TMEM266: variants seen among roughly 807,000 people sequenced by gnomAD.
The protein encoded by TMEM266 is Hv1 related protein 1.
In TMEM266, 33 loss-of-function variants were observed where a neutral mutation model predicts 50.5. The observed-to-expected ratio is 0.65, with a 90% CI of 0.50 to 0.87. The LOEUF (loss-of-function observed/expected upper bound fraction) is 0.87. Ranked by LOEUF, TMEM266 falls within the 40% of genes least tolerant of loss-of-function variation. The pLI, the probability that TMEM266 is intolerant of heterozygous loss-of-function variation, is 0.00. For missense variants in TMEM266, 655 were observed against 695.1 expected (o/e 0.94, Z 0.65); for synonymous variants, 310 against 292.3 (o/e 1.06, Z -0.62).
chr15:76,091,240 A>G (rs1357477389), intron 1 of TMEM266, among the ~76,000 whole-genome samples: 2 of 152,194 alleles, frequency 1.3e-5, no homozygotes, highest in South Asian at 2.1e-4. Context: ...ATTTTTCTAT[A>G]TAATTTTACT....
intron 1 of TMEM266, among the ~76,000 whole-genome samples, chr15:76,105,058 G>A (rs953703918): frequency 2.6e-5 from 4 of 151,958 alleles, no homozygotes; most frequent in East Asian, 3.9e-4. Context: ...CCAGCCTGAC[G>A]AACATGGTGA....
intron 1 of TMEM266, among the ~76,000 whole-genome samples, chr15:76,062,581 T>A (rs1157174010): frequency 6.6e-6 from 1 of 152,176 alleles, no homozygotes; most frequent in East Asian, 1.9e-4. Context: ...GCAAGAGGTG[T>A]TACTTGATTT....
At chr15:76,088,484 C>T (rs2036804094) in intron 1 of TMEM266, among the ~76,000 whole-genome samples, 2 of 152,046 alleles carry the variant, frequency 1.3e-5, no homozygotes, top group East Asian at 3.9e-4. Flanking sequence ...GAGACCTTGT[C>T]TCTATTGAAA....
intron 8 of TMEM266, among the ~76,000 whole-genome samples, chr15:76,188,779 G>A (rs1405514107): frequency 9.2e-5 from 14 of 152,200 alleles, no homozygotes; most frequent in Admixed American, 9.2e-4. Context: ...TGGGGACACA[G>A]CCAAACCATA....
intron 10 of TMEM266, among the ~76,000 whole-genome samples, chr15:76,202,839 A>G (rs577455628): frequency 5.3e-5 from 8 of 151,840 alleles, no homozygotes; most frequent in African/African-American, 1.2e-4. Context: ...GCAGCCCCCA[A>G]AACCTTGTAT....
At position 76,083,502 on chromosome 15, in the gene TMEM266, C is replaced by T. The variant is rs184939067; in HGVS notation, c.-97+23486C>T. Reference sequence around the variant, plus strand: ...CGAACAGTCCCATATTCCCTTCTACCGTAGGGAGGAAACATACTTCACCCA... The same window carrying T: ...CGAACAGTCCCATATTCCCTTCTACTGTAGGGAGGAAACATACTTCACCCA... On this transcript the variant is annotated intron_variant, in intron 1 of 10. Transcript: ENST00000388942. 3.2e-3 allele frequency among the ~76,000 whole-genome samples: 486 copies of T among 152,150 alleles called. 5 individuals carry two copies. The highest frequency in any genetic ancestry group is 0.011 in the African/African-American group (453 of 41,490).
In TMEM266 at chr15:76,160,103, G is replaced by A. The variant is rs780642775; in HGVS notation, c.391G>A (p.Ala131Thr). 17 of 1,614,116 alleles carry A rather than the reference G, an allele frequency of 1.1e-5. No individual in the cohort carries two copies. The Admixed American group carries it at 1.3e-4, about 13-fold the overall frequency. Residue 131 changes from alanine (A) to threonine (T), a missense_variant, in exon 5 of 11, where the codon GCA becomes ACA. Around this residue, in one of 3 missense-constraint regions of TMEM266, gnomAD observed 101 missense variants for 182.6 expected, o/e 0.55. Coordinates refer to ENST00000388942, the MANE Select transcript of TMEM266 (RefSeq NM_152335.3). This position sits in a 1 kb window ranked among gnomAD's most constrained non-coding sequence, Gnocchi z 5.7. ...TATCGTGTCCATTGCAGTTTCCAGC[G>A]CATTCCAGTTTGCTGGCGTGATTCA... is the stretch of plus-strand genomic sequence containing the variant.
chr15:76,103,465 C>A (rs938476519), intron 1 of TMEM266, among the ~76,000 whole-genome samples: 1 of 151,734 alleles, frequency 6.6e-6, no homozygotes. Context: ...ACACCACTCT[C>A]TCTAAGGTTT....
At chr15:76,125,320 A>C (rs1408457128) in intron 1 of TMEM266, among the ~76,000 whole-genome samples, 2 of 152,146 alleles carry the variant, frequency 1.3e-5, no homozygotes, top group African/African-American at 4.8e-5. Context: ...TCTGCACATC[A>C]AAGGAAACAA....
At chr15:76,140,944 G>A (rs1052582840) in intron 3 of TMEM266, among the ~76,000 whole-genome samples, 1 of 152,064 alleles carries the variant, frequency 6.6e-6, no homozygotes, top group African/African-American at 2.4e-5. Context: ...GGCTGAAGTG[G>A]GAGGATCACT....
In TMEM266 at chr15:76,197,686, T is replaced by A. The variant is rs1173801422; in HGVS notation, c.959-4516T>A. ...AAGCCATGGAAGAGCAAGTTGGAGTTTAGGAGCAGGAGCCCAAACCAGGAA... is the reference window on the plus strand; with the variant it reads ...AAGCCATGGAAGAGCAAGTTGGAGTATAGGAGCAGGAGCCCAAACCAGGAA... On this transcript the variant is annotated intron_variant, in intron 9 of 10. Transcript: ENST00000388942. 2.6e-5 allele frequency among the ~76,000 whole-genome samples: 4 copies of A among 152,190 alleles called. 1 individual carries two copies. The highest frequency in any genetic ancestry group is 2.6e-4 in the Admixed American group (4 of 15,282).
chr15:76,087,913 C>CT (rs1413793424), intron 1 of TMEM266, among the ~76,000 whole-genome samples: 4 of 152,188 alleles, frequency 2.6e-5, no homozygotes, highest in Non-Finnish European at 5.9e-5. Context: ...ACTGGAATGT[C>CT]TTTTCCTGAA....
At chr15:76,086,417 G>A (rs549615344) in intron 1 of TMEM266, among the ~76,000 whole-genome samples, 115 of 152,342 alleles carry the variant, frequency 7.5e-4, no homozygotes, top group African/African-American at 2.7e-3. Context: ...TGATGGAAAT[G>A]TTTTATATCT....
chr15:76,202,060 C>A, intron 9 of TMEM266, 142 bp from the exon 10 acceptor site: 1 of 666,990 alleles, frequency 1.5e-6, no homozygotes, highest in Non-Finnish European at 2.5e-6. Flanking sequence ...CCATGGAGAA[C>A]TAAGAGGCAG....
chr15:76,201,719 GCCCACAGGTGGATCGA>G (rs2038751469), intron 9 of TMEM266, among the ~76,000 whole-genome samples: 2 of 152,156 alleles, frequency 1.3e-5, no homozygotes, highest in Admixed American at 6.5e-5. Flanking sequence ...GAAGGCTGGA[GCCCACAGGTGGATCGA>G]GCCACGGGGG....
chr15:76,192,642 A>C (rs1457532146), intron 9 of TMEM266, among the ~76,000 whole-genome samples: 1 of 152,160 alleles, frequency 6.6e-6, no homozygotes, highest in African/African-American at 2.4e-5. Context: ...CCAGAGCTTG[A>C]GCCTTGCAGA....
At chr15:76,145,779 C>A (rs924468827) in intron 3 of TMEM266, among the ~76,000 whole-genome samples, 1 of 152,240 alleles carries the variant, frequency 6.6e-6, no homozygotes, top group Non-Finnish European at 1.5e-5. Flanking sequence ...TAGGCTGTTT[C>A]TTCAATGACT....
At position 76,203,949 on chromosome 15, in the gene TMEM266, C is replaced by A. The variant is rs767171611; in HGVS notation, c.1230C>A (p.Asp410Glu). ...GCCAGACGCTGGGCTCCTCCATGGA[C>A]TGCAGCACTGCCCGCGAGGAGCCGT... Residue 410 changes from aspartate (D) to glutamate (E), a missense_variant, in exon 11 of 11, where the codon GAC (aspartate) becomes GAA (glutamate). Physicochemically the swap from Asp to Glu is conservative, Grantham distance 45. Around this residue, in one of 3 missense-constraint regions of TMEM266, gnomAD observed 455 missense variants for 401.8 expected, o/e 1.13. Transcript: ENST00000388942. The A allele has an allele frequency of 1.2e-6, 2 of 1,613,348 alleles. No homozygotes were observed. The highest frequency in any genetic ancestry group is 2.7e-5 in the African/African-American group (2 of 74,940).
Position 76,139,927 on chromosome 15 carries a change from C to T in TMEM266, c.227+2032C>T, listed in dbSNP as rs996669724. On this transcript the variant is annotated intron_variant, in intron 3 of 10. Coordinates refer to ENST00000388942, the MANE Select transcript of TMEM266 (RefSeq NM_152335.3). This position sits in a 1 kb window ranked among gnomAD's most constrained non-coding sequence, Gnocchi z 4.1. ...AGGTGTACCACCCTGTGATGTACCC[C>T]TTTCAGGGGTCCTGTGCTGTGGTGT... Among the ~76,000 whole-genome samples, 1 of 152,226 alleles carries T rather than the reference C, an allele frequency of 6.6e-6. No homozygotes were observed. The highest frequency in any genetic ancestry group is 1.5e-5 in the Non-Finnish European group (1 of 68,038).
Sources: gnomAD v4.1 joint callset for allele counts (sites outside exome capture counted in the v4.1 genomes callset) on GRCh38, gnomAD v4.1.1 for gene constraint, gnomAD v4.1.1 regional missense constraint, Gnocchi (gnomAD v3.1) non-coding constraint, MANE v1.5 for transcripts, NCBI Gene and HGNC (gene_info 2026-07-23, HGNC 2026-07-21) for gene names.